The following G3BP1 variants were observed in gnomAD, a reference collection of about 807,000 sequenced individuals.
G3BP1 encodes the protein ras GTPase-activating protein-binding protein 1.
Under a neutral mutation model 58.6 loss-of-function variants are expected in G3BP1, and 35 were observed. The observed-to-expected ratio is 0.60, with a 90% CI of 0.46 to 0.79. G3BP1 has a LOEUF of 0.79. Ranked by LOEUF, G3BP1 falls within the 30% of genes least tolerant of loss-of-function variation. G3BP1 has a pLI of 0.00. For synonymous variants in G3BP1, 191 were observed against 195.4 expected (o/e 0.98, Z 0.19); for missense variants, 523 against 580.8 (o/e 0.90, Z 1.02).
chr5:151,799,829 A>G (rs2113248182), intron 8 of G3BP1, 60 bp from the exon 9 acceptor site: 1 of 962,732 alleles, frequency 1.0e-6, no homozygotes, highest in South Asian at 1.4e-5. Flanking sequence ...AAGAAACTTC[A>G]TTAAGAAAAA....
In G3BP1 at chr5:151,809,083, A is replaced by T. The variant is rs550635599; in HGVS notation, c.*4992A>T. ...TCTCCGTCTCTCAGGAGGCTGAGGC[A>T]GGAGATTGCTTGAGCCCAGGAGTTG... On this transcript the variant is annotated 3_prime_UTR_variant, in exon 12 of 12. Coordinates refer to ENST00000356245, the MANE Select transcript of G3BP1 (RefSeq NM_005754.3). 6.6e-6 allele frequency: 1 copy of T among 152,304 alleles called. No individual in the cohort carries two copies. Among genetic ancestry groups the T allele is most frequent in the African/African-American group, 2.4e-5 (1 of 41,460 alleles). The allele number at this position is 152,304 out of a possible 1,614,324, so 9.4% of individuals were successfully genotyped here.
chr5:151,784,356 A>T lies in G3BP1; in HGVS notation c.-49-2216A>T, dbSNP rs117868874. 1.0e-3 allele frequency among the ~76,000 whole-genome samples: 157 copies of T among 152,182 alleles called. 3 individuals are homozygous for T. In the East Asian group the frequency reaches 0.022, roughly 22 times the overall value. ...CATTTTTTAGTAATTAAACAGTGTT[A>T]TGTCTGCTATCTTAATCTAAATGCT... On this transcript the variant is annotated intron_variant, in intron 1 of 11. Transcript: ENST00000356245.
intron 11 of G3BP1, among the ~76,000 whole-genome samples, chr5:151,803,397 A>T (rs890624745): frequency 6.6e-5 from 10 of 152,116 alleles, no homozygotes; most frequent in African/African-American, 1.9e-4. Flanking sequence ...CCCGGGTTCA[A>T]GTTGCACTCC....
intron 1 of G3BP1, among the ~76,000 whole-genome samples, chr5:151,784,406 ATAGT>A (rs1198077799): frequency 2.0e-5 from 3 of 152,186 alleles, no homozygotes; most frequent in Admixed American, 6.5e-5. Flanking sequence ...GTCAGTTTTG[ATAGT>A]TAGATGGTCA....
At chr5:151,800,890 A>ATT (rs200261823) in intron 11 of G3BP1, 21 bp downstream of exon 11, 990 of 834,906 alleles carry the variant, frequency 1.2e-3, no homozygotes, top group Non-Finnish European at 1.4e-3. Flanking sequence ...TTTTGTCTTG[A>ATT]TTTTTTTTTT....
chr5:151,783,701 A>G (rs1020135808), intron 1 of G3BP1, among the ~76,000 whole-genome samples: 1 of 151,620 alleles, frequency 6.6e-6, no homozygotes, highest in Non-Finnish European at 1.5e-5. Flanking sequence ...TTTAACTGAG[A>G]ATAACAAAAT....
At chr5:151,782,373 A>G (rs550774768) in intron 1 of G3BP1, among the ~76,000 whole-genome samples, 2 of 152,296 alleles carry the variant, frequency 1.3e-5, no homozygotes, top group African/African-American at 4.8e-5. Context: ...TCAGTTTTAA[A>G]GTTCATTTGT....
chr5:151,801,790 G>A (rs1455435773), intron 11 of G3BP1, among the ~76,000 whole-genome samples: 1 of 151,804 alleles, frequency 6.6e-6, no homozygotes, highest in African/African-American at 2.4e-5. Flanking sequence ...GAATGTTAAT[G>A]GGCATACTGC....
chr5:151,807,775 G>A lies in G3BP1; in HGVS notation c.*3684G>A, dbSNP rs901450474. 3.9e-5 allele frequency: 6 copies of A among 152,136 alleles called. No individual in the cohort carries two copies. Among genetic ancestry groups the A allele is most frequent in the Non-Finnish European group, 8.8e-5 (6 of 68,024 alleles). 9.4% of individuals were successfully genotyped at this position (152,136 alleles called of 1,614,324 possible). A position where few individuals can be genotyped will look rare whatever the true frequency, so the allele number is the denominator to read the frequency against. ...ATGGAAAATGTTGCACTTTATAGAA[G>A]GCCATTTTAGAACTTACAGGTAACC... On this transcript the variant is annotated 3_prime_UTR_variant, in exon 12 of 12. Coordinates refer to ENST00000356245, the MANE Select transcript of G3BP1 (RefSeq NM_005754.3).
At chr5:151,791,332 G>T (rs73281656) in intron 4 of G3BP1, 102 of 266,566 alleles carry the variant, frequency 3.8e-4, no homozygotes, top group African/African-American at 2.1e-3. Flanking sequence ...AGGAAATGTT[G>T]ATGCAATATA....
intron 4 of G3BP1, chr5:151,792,163 C>T (rs1161755368): frequency 4.4e-6 from 2 of 455,962 alleles, no homozygotes; most frequent in Admixed American, 2.4e-5. Context: ...TGAATGATTG[C>T]ATTTGTGTTT....
Position 151,797,145 on chromosome 5 carries a change from G to A in G3BP1, c.540-82G>A, listed in dbSNP as rs114222834. On this transcript the variant is annotated intron_variant, in intron 6 of 11. Transcript: ENST00000356245. ...TAGAAGGAGCTAACTCTGTGTTCTG[G>A]TTTCTGATTAATAAATGATGGAGGA... 5.7e-3 allele frequency: 7,780 copies of A among 1,363,448 alleles called. 26 individuals are homozygous for A. The highest frequency in any genetic ancestry group is 6.2e-3 in the Non-Finnish European group (6,067 of 975,414). The allele number at this position is 1,363,448 out of a possible 1,614,324, so 84.5% of individuals were successfully genotyped here. A position where few individuals can be genotyped will look rare whatever the true frequency, so the allele number is the denominator to read the frequency against.
chr5:151,786,783 TC>T, intron 2 of G3BP1, 68 bp downstream of exon 2: 3 of 919,106 alleles, frequency 3.3e-6, no homozygotes, highest in Non-Finnish European at 5.5e-6. Flanking sequence ...TTTGAGATTC[TC>T]CCACTCATCA....
At position 151,790,999 on chromosome 5, in the gene G3BP1, G is replaced by A. The variant is rs376574585; in HGVS notation, c.288G>A (p.Gly96=). 1.1e-5 allele frequency: 17 copies of A among 1,613,434 alleles called. No homozygotes were observed. Among genetic ancestry groups the A allele is most frequent in the African/African-American group, 1.3e-5 (1 of 74,856 alleles). ...ATGGTGTGGTAGTCCAGGTGATGGG[G>A]CTTCTCTCTAACAACAACCAGGCTT... ...LNDGVVVQVM[G]LLSNNNQALR... is the part of the protein sequence containing the mutation. The change falls in exon 4 of 12, where the codon GGG becomes GGA. Residue 96 remains glycine, a synonymous_variant. Coordinates refer to ENST00000356245, the MANE Select transcript of G3BP1 (RefSeq NM_005754.3).
In G3BP1 at chr5:151,786,678, TACAC is replaced by T. The variant is rs1213691762; in HGVS notation, c.61_64del (p.Thr21CysfsTer2). ...CGGGCGGGAATTTGTGAGACAGTAT[TACAC>T]ACTGCTGAACCAGGCCCCAGACATG... On this transcript the variant is annotated frameshift_variant, in exon 2 of 12. Coordinates refer to ENST00000356245, the MANE Select transcript of G3BP1 (RefSeq NM_005754.3). LOFTEE classifies it high-confidence loss of function. 1 of 1,612,806 alleles carries T rather than the reference TACAC, an allele frequency of 6.2e-7. No individual in the cohort carries two copies. The highest frequency in any genetic ancestry group is 2.2e-5 in the East Asian group (1 of 44,888).
In G3BP1 at chr5:151,805,573, T is replaced by G. The variant is rs939975871; in HGVS notation, c.*1482T>G. On this transcript the variant is annotated 3_prime_UTR_variant, in exon 12 of 12. Transcript: ENST00000356245. ...TGAGGATAGCATAGGAATATTTGGTTTGCATTACTGAGAAACTCTAGGTTT... is the reference window on the plus strand; with the variant it reads ...TGAGGATAGCATAGGAATATTTGGTGTGCATTACTGAGAAACTCTAGGTTT... The G allele has an allele frequency of 2.0e-5, 3 of 152,224 alleles. No individual in the cohort carries two copies. The highest frequency in any genetic ancestry group is 7.2e-5 in the African/African-American group (3 of 41,456). The allele number at this position is 152,224 out of a possible 1,614,324, so 9.4% of individuals were successfully genotyped here.
rs913938237 is a variant in G3BP1 at position 151,805,202 on chromosome 5, A to T, written c.*1111A>T. On this transcript the variant is annotated 3_prime_UTR_variant, in exon 12 of 12. Coordinates refer to ENST00000356245, the MANE Select transcript of G3BP1 (RefSeq NM_005754.3). ...GTTACTTTAATATTGGACTTTGCTC[A>T]TGTGCTCGTGTCCGCATTTTTTTTT... 1 of 152,356 alleles carries T rather than the reference A, an allele frequency of 6.6e-6. No homozygotes were observed. Among genetic ancestry groups the T allele is most frequent in the Non-Finnish European group, 1.5e-5 (1 of 68,006 alleles). 9.4% of individuals were successfully genotyped at this position (152,356 alleles called of 1,614,324 possible).
intron 2 of G3BP1, chr5:151,786,967 T>A: frequency 7.8e-6 from 2 of 257,718 alleles, no homozygotes; most frequent in Non-Finnish European, 1.5e-5. Flanking sequence ...CCCAGCCTCC[T>A]GAGTAGCTGG....
intron 2 of G3BP1, among the ~76,000 whole-genome samples, chr5:151,788,590 G>GTGTA (rs1762593779): frequency 6.7e-6 from 1 of 149,524 alleles, no homozygotes; most frequent in Non-Finnish European, 1.5e-5. Context: ...GTGTGTGTGT[G>GTGTA]TGTGTGTGTG....
Sources: allele counts gnomAD v4.1 joint callset (sites outside exome capture counted in the v4.1 genomes callset), GRCh38; gene constraint gnomAD v4.1.1; transcripts MANE v1.5; gene names NCBI Gene and HGNC (gene_info 2026-07-23, HGNC 2026-07-21).